Variants in AGBL3 observed in about 807,000 individuals in gnomAD.
AGBL3 encodes cytosolic carboxypeptidase 3.
AGBL3 carries 68 observed loss-of-function variants against 94.5 expected under a neutral mutation model. That is an observed-to-expected ratio of 0.72 (90% CI 0.59 to 0.88). The LOEUF is 0.88. AGBL3 is among the 40% of genes least tolerant of loss of function. The pLI, the probability that AGBL3 is intolerant of heterozygous loss-of-function variation, is 0.00. For synonymous variants in AGBL3, 354 were observed against 370.7 expected, an observed-to-expected ratio of 0.95 and a Z score of 0.52; for missense variants, 934 against 1,103.8, an observed-to-expected ratio of 0.85 and a Z score of 2.18.
At chr7:135,110,119 A>T (rs1825398135) in intron 15 of AGBL3, among the ~76,000 whole-genome samples, 1 of 152,268 alleles carries the variant, frequency 6.6e-6, no homozygotes, top group East Asian at 1.9e-4. Flanking sequence ...GCTCTGTCTC[A>T]GGGAGGTGTA....
intron 11 of AGBL3, among the ~76,000 whole-genome samples, chr7:135,053,256 T>C (rs1271168745): frequency 2.0e-5 from 3 of 152,074 alleles, no homozygotes. Flanking sequence ...AACTCCCTAA[T>C]AATGAGTGCT....
In AGBL3 at chr7:135,081,792, T is replaced by C; in HGVS notation, c.2110+2T>C. 1 of 1,525,946 alleles carries C rather than the reference T, an allele frequency of 6.6e-7. No homozygotes were observed. Among genetic ancestry groups the C allele is most frequent in the Non-Finnish European group, 8.9e-7 (1 of 1,128,130 alleles). The allele number at this position is 1,525,946 out of a possible 1,614,324, so 94.5% of individuals were successfully genotyped here. ...GACAATTACCTAATCAAGGTTTGGG[T>C]GAGTAAAATAGGAACACAGACAGTA... On this transcript the variant is annotated splice_donor_variant, in intron 15 of 16. Transcript: ENST00000436302. LOFTEE classifies it high-confidence loss of function.
chr7:135,074,489 C>CA (rs1563240334), intron 12 of AGBL3, among the ~76,000 whole-genome samples: 1 of 152,074 alleles, frequency 6.6e-6, no homozygotes, highest in Non-Finnish European at 1.5e-5. Context: ...AGTCCAAATT[C>CA]AAAAAAATTT....
At chr7:135,087,713 A>C (rs1192854658) in intron 15 of AGBL3, among the ~76,000 whole-genome samples, 2 of 151,948 alleles carry the variant, frequency 1.3e-5, no homozygotes, top group African/African-American at 4.8e-5. Flanking sequence ...AGTTATTTTA[A>C]ATTTCTTGAA....
Position 135,050,376 on chromosome 7 carries a change from T to C in AGBL3, c.1841+4465T>C, listed in dbSNP as rs186518500. Among the ~76,000 whole-genome samples, 7 of 150,826 alleles carry C rather than the reference T, an allele frequency of 4.6e-5. No individual in the cohort carries two copies. The East Asian group carries it at 1.4e-3, about 30-fold the overall frequency. ...TAGCCTGCTGCTGTTGGATACAATG[T>C]TCTGTATATGTCTGTTAGATCCATT... On this transcript the variant is annotated intron_variant, in intron 11 of 16. Coordinates refer to ENST00000436302, the MANE Select transcript of AGBL3 (RefSeq NM_178563.4).
intron 12 of AGBL3, among the ~76,000 whole-genome samples, chr7:135,069,176 A>G (rs961968225): frequency 3.9e-5 from 6 of 152,220 alleles, no homozygotes; most frequent in African/African-American, 1.4e-4. Context: ...AGAAGAGCTA[A>G]CTATCCTAAA....
chr7:135,097,329 C>T (rs1264672254), intron 15 of AGBL3, among the ~76,000 whole-genome samples: 1 of 151,938 alleles, frequency 6.6e-6, no homozygotes, highest in Non-Finnish European at 1.5e-5. Flanking sequence ...TGAATCATGG[C>T]AACAAAAGAA....
chr7:135,072,206 G>T (rs1337381709), intron 12 of AGBL3, among the ~76,000 whole-genome samples: 2 of 152,010 alleles, frequency 1.3e-5, no homozygotes, highest in African/African-American at 2.4e-5. Context: ...AATCAAAACC[G>T]CAATGAGATA....
chr7:135,084,244 A>G lies in AGBL3; in HGVS notation c.2110+2454A>G, dbSNP rs191008124. The stretch of plus-strand genomic sequence containing the variant: ...TTTAGTTGATGTAATAATTGTACAT[A>G]TGGGGTACAGTGTGATATTTTGATA... On this transcript the variant is annotated intron_variant, in intron 15 of 16. Transcript: ENST00000436302. Among the ~76,000 whole-genome samples, 17 of 152,252 alleles carry G rather than the reference A, an allele frequency of 1.1e-4. No homozygotes were observed. In the East Asian group the frequency reaches 3.3e-3, roughly 29 times the overall value.
chr7:135,094,558 A>G (rs1045384907), intron 15 of AGBL3: 3 of 456,414 alleles, frequency 6.6e-6, no homozygotes, highest in African/African-American at 6.0e-5. Context: ...GTTCTCATAG[A>G]GCCAAGAAAG....
intron 11 of AGBL3, among the ~76,000 whole-genome samples, chr7:135,058,170 A>G (rs1160187052): frequency 6.6e-6 from 1 of 152,200 alleles, no homozygotes; most frequent in Non-Finnish European, 1.5e-5. Context: ...ACATACTATA[A>G]TTTAGGAAGT....
intron 15 of AGBL3, among the ~76,000 whole-genome samples, chr7:135,096,604 G>GATAGATAC (rs1822842415): frequency 1.3e-5 from 1 of 79,722 alleles, no homozygotes; most frequent in African/African-American, 3.6e-5. Context: ...TAGATAGATA[G>GATAGATAC]ATAGATAGAT....
In AGBL3 at chr7:135,110,662, A is replaced by G. The variant is rs1022632850; in HGVS notation, c.2111-4718A>G. On this transcript the variant is annotated intron_variant, in intron 15 of 16. Transcript: ENST00000436302. ...GCTTTTCTCTGTTCTCCATGGGTCAAGTTGTTTTCTTTATGAATCCAATGT... is the reference window on the plus strand; with the variant it reads ...GCTTTTCTCTGTTCTCCATGGGTCAGGTTGTTTTCTTTATGAATCCAATGT... Among the ~76,000 whole-genome samples, 9 of 152,070 alleles carry G rather than the reference A, an allele frequency of 5.9e-5. No homozygotes were observed. The South Asian group carries it at 1.2e-3, about 21-fold the overall frequency.
At chr7:135,018,021 T>A (rs1012151291) in intron 5 of AGBL3, among the ~76,000 whole-genome samples, 1 of 152,202 alleles carries the variant, frequency 6.6e-6, no homozygotes, top group Non-Finnish European at 1.5e-5. Context: ...CAGGGTCTTC[T>A]CAGGAATTAG....
chr7:135,080,744 GTTTTTT>G (rs11409204), intron 14 of AGBL3, among the ~76,000 whole-genome samples: 3 of 136,958 alleles, frequency 2.2e-5, no homozygotes, highest in Non-Finnish European at 4.7e-5. Flanking sequence ...TAGCATCTCT[GTTTTTT>G]TTTTTTTTTC....
At chr7:135,083,883 T>G (rs1423147976) in intron 15 of AGBL3, among the ~76,000 whole-genome samples, 1 of 152,158 alleles carries the variant, frequency 6.6e-6, no homozygotes, top group East Asian at 1.9e-4. Flanking sequence ...GTCTTTGATG[T>G]CACCCCATAA....
Position 135,135,257 on chromosome 7 carries a change from G to C in AGBL3, c.2759G>C (p.Ser920Thr), listed in dbSNP as rs927855378. The C allele has an allele frequency of 6.6e-7, 1 of 1,514,316 alleles. No homozygotes were observed. Among genetic ancestry groups the C allele is most frequent in the South Asian group, 1.3e-5 (1 of 78,406 alleles). The allele number at this position is 1,514,316 out of a possible 1,614,324, so 93.8% of individuals were successfully genotyped here. ...PTLYLKFQRE[S>T] Reference sequence around the variant, plus strand: ...TTATATCTGAAGTTCCAAAGGGAGAGTTAATCTAGCTTTATACTGCTCTGA... The same window carrying C: ...TTATATCTGAAGTTCCAAAGGGAGACTTAATCTAGCTTTATACTGCTCTGA... The change falls in exon 17 of 17, where the codon AGT becomes ACT. Residue 920 changes from serine (S) to threonine (T), a missense_variant. By Grantham distance (58) the Ser-to-Thr change is moderately conservative. This residue lies in a region of AGBL3 where 441 missense variants were observed against 518.2 expected (regional missense o/e 0.85). Coordinates refer to ENST00000436302, the MANE Select transcript of AGBL3 (RefSeq NM_178563.4).
intron 5 of AGBL3, among the ~76,000 whole-genome samples, chr7:135,020,830 G>C (rs1283581093): frequency 6.7e-6 from 1 of 149,010 alleles, no homozygotes; most frequent in Non-Finnish European, 1.5e-5. Flanking sequence ...AACACCGCAT[G>C]TTCTCACTCC....
intron 12 of AGBL3, among the ~76,000 whole-genome samples, chr7:135,062,390 G>A (rs1436463351): frequency 6.6e-6 from 1 of 152,034 alleles, no homozygotes; most frequent in East Asian, 1.9e-4. Context: ...TAGGACTTCA[G>A]TACTATGTTG....
Sources: gnomAD v4.1 joint callset for allele counts (sites outside exome capture counted in the v4.1 genomes callset) on GRCh38, gnomAD v4.1.1 for gene constraint, gnomAD v4.1.1 regional missense constraint, MANE v1.5 for transcripts, NCBI Gene and HGNC (gene_info 2026-07-23, HGNC 2026-07-21) for gene names.